Variants in PLXNA1 observed in about 807,000 individuals in gnomAD.
The protein encoded by PLXNA1 is plexin-A1.
In PLXNA1, 77 loss-of-function variants were observed where a neutral mutation model predicts 191.7. The observed-to-expected ratio is 0.40, with a 90% CI of 0.33 to 0.49. The LOEUF is 0.49. PLXNA1 is among the 20% of genes least tolerant of loss of function. PLXNA1 has a pLI of 0.63. For synonymous variants in PLXNA1, 1,137 were observed against 1,156.4 expected (o/e 0.98, Z 0.34); for missense variants, 2,110 against 2,660.2 (o/e 0.79, Z 4.55).
rs983720256 is a variant in PLXNA1 at position 126,988,743 on chromosome 3, C to T, written c.150C>T (p.Gly50=). The T allele has an allele frequency of 1.3e-6, 2 of 1,589,178 alleles. No homozygotes were observed. Among genetic ancestry groups the T allele is most frequent in the African/African-American group, 2.7e-5 (2 of 74,674 alleles). ...PFRTFSASDW[G]LTHLVVHEQT... is the part of the protein sequence containing the mutation. ...GCACCTTCTCGGCCAGCGACTGGGG[C>T]CTCACCCACCTAGTGGTGCATGAGC... Residue 50 remains glycine (G), a synonymous_variant, in exon 2 of 32, where the codon GGC becomes GGT. Coordinates refer to ENST00000393409, the MANE Select transcript of PLXNA1 (RefSeq NM_032242.4).
chr3:126,999,375 G>A (rs903549545), intron 3 of PLXNA1, among the ~76,000 whole-genome samples: 5 of 152,182 alleles, frequency 3.3e-5, no homozygotes, highest in African/African-American at 9.6e-5. Flanking sequence ...CCTGGGGCCC[G>A]GAGGCAGCTC....
intron 23 of PLXNA1, chr3:127,027,384 C>T (rs1186279055): frequency 8.7e-6 from 3 of 346,576 alleles, no homozygotes; most frequent in Non-Finnish European, 1.7e-5. Flanking sequence ...GTGGGTATGT[C>T]AGTATCCATG....
In PLXNA1 at chr3:126,988,525, G is replaced by A; in HGVS notation, c.-69G>A. ...CCTCTTCTGCCCCTTCCCCAGGGCTGAAGCTCCTGGCACCATGATGCTCAC... is the reference window on the plus strand; with the variant it reads ...CCTCTTCTGCCCCTTCCCCAGGGCTAAAGCTCCTGGCACCATGATGCTCAC... On this transcript the variant is annotated 5_prime_UTR_variant, in exon 2 of 32. Transcript: ENST00000393409. The A allele has an allele frequency of 7.4e-7, 1 of 1,355,440 alleles. No homozygotes were observed. The highest frequency in any genetic ancestry group is 9.8e-7 in the Non-Finnish European group (1 of 1,025,212). The allele number at this position is 1,355,440 out of a possible 1,614,324, so 84.0% of individuals were successfully genotyped here.
Position 127,014,381 on chromosome 3 carries a change from G to GC in PLXNA1, c.2604+11dup. The GC allele has an allele frequency of 6.3e-7, 1 of 1,584,560 alleles. No individual in the cohort carries two copies. The highest frequency in any genetic ancestry group is 8.5e-7 in the Non-Finnish European group (1 of 1,172,208). On this transcript the variant is annotated splice_region_variant and intron_variant, in intron 12 of 31. Coordinates refer to ENST00000393409, the MANE Select transcript of PLXNA1 (RefSeq NM_032242.4). ...CCGACCCCAAGATCCTCAAGGTAGG[G>GC]CCCCCAGCCCTGCCCCCACACCCCA...
chr3:126,983,891 G>C (rs974879186), intron 1 of PLXNA1, among the ~76,000 whole-genome samples: 43 of 152,196 alleles, frequency 2.8e-4, no homozygotes, highest in African/African-American at 9.4e-4. Context: ...CCTGGGGCGC[G>C]GGGTGGAAGT....
Position 126,989,075 on chromosome 3 carries a change from C to G in PLXNA1, c.482C>G (p.Ser161Cys). 1 of 1,613,420 alleles carries G rather than the reference C, an allele frequency of 6.2e-7. No individual in the cohort carries two copies. Among genetic ancestry groups the G allele is most frequent in the East Asian group, 2.2e-5 (1 of 44,876 alleles). Residue 161 changes from serine to cysteine, a missense_variant, in exon 2 of 32, where the codon TCC becomes TGC. Ser to Cys is a moderately radical substitution (Grantham distance 112). Transcript: ENST00000393409. ...CACCACCGTAAGGAGCACTACCTGT[C>G]CAGCGTGCAGGAGGCAGGCAGCATG... Reference protein sequence around the residue: ...EPHHRKEHYLSSVQEAGSMAG... With the variant: ...EPHHRKEHYLCSVQEAGSMAG...
At chr3:127,029,831 CG>C (rs754989505) in intron 27 of PLXNA1, 42 bp from the exon 28 acceptor site, 12 of 1,524,146 alleles carry the variant, frequency 7.9e-6, no homozygotes, top group Non-Finnish European at 8.8e-7. Context: ...GCGGGGGGTG[CG>C]GGGTGCCAGC....
chr3:127,032,327 G>A (rs1206987957), intron 29 of PLXNA1, 60 bp from the exon 30 acceptor site: 43 of 1,535,644 alleles, frequency 2.8e-5, no homozygotes, highest in Non-Finnish European at 3.6e-6. Flanking sequence ...AGGGCCACAA[G>A]GTCACTGCTC....
chr3:126,998,226 C>T (rs938956196), intron 3 of PLXNA1, among the ~76,000 whole-genome samples: 1 of 152,186 alleles, frequency 6.6e-6, no homozygotes, highest in South Asian at 2.1e-4. Context: ...TGGTGGGTCA[C>T]TTCACCAGAG....
At chr3:127,017,342 C>A in intron 17 of PLXNA1, 83 bp from the exon 18 acceptor site, 2 of 1,526,122 alleles carry the variant, frequency 1.3e-6, no homozygotes, top group Non-Finnish European at 8.8e-7. Flanking sequence ...GAGCAGGCAG[C>A]CCCCAGGCCA....
chr3:127,021,554 T>C (rs1306762116), intron 21 of PLXNA1, among the ~76,000 whole-genome samples: 1 of 152,200 alleles, frequency 6.6e-6, no homozygotes, highest in Non-Finnish European at 1.5e-5. Context: ...TCTCCAACCT[T>C]GTGTCCTCAT....
chr3:127,004,330 A>G (rs1431663856), intron 4 of PLXNA1, among the ~76,000 whole-genome samples: 1 of 152,202 alleles, frequency 6.6e-6, no homozygotes, highest in Non-Finnish European at 1.5e-5. Context: ...GTCCAGACAG[A>G]TGGAGAGGAA....
At chr3:126,986,048 T>C (rs1327865397) in intron 1 of PLXNA1, among the ~76,000 whole-genome samples, 1 of 152,204 alleles carries the variant, frequency 6.6e-6, no homozygotes, top group Non-Finnish European at 1.5e-5. Flanking sequence ...GGATGGTGGC[T>C]TCTTAGCCTG....
chr3:126,995,835 C>T (rs2079012564), intron 3 of PLXNA1, among the ~76,000 whole-genome samples: 1 of 152,222 alleles, frequency 6.6e-6, no homozygotes, highest in African/African-American at 2.4e-5. Flanking sequence ...TGGTTTCCTT[C>T]CCTGGATGTT....
Position 127,018,459 on chromosome 3 carries a change from C to T in PLXNA1, c.3826C>T (p.Arg1276Cys), listed in dbSNP as rs1000962009. 12 of 1,612,918 alleles carry T rather than the reference C, an allele frequency of 7.4e-6. No individual in the cohort carries two copies. The highest frequency in any genetic ancestry group is 1.7e-5 in the Admixed American group (1 of 60,004). ...CAAGCGCAAGTCACGAGATGCTGACCGCACACTCAAGCGGCTGCAGCTCCA... is the reference window on the plus strand; with the variant it reads ...CAAGCGCAAGTCACGAGATGCTGACTGCACACTCAAGCGGCTGCAGCTCCA... ...AYKRKSRDAD[R>C]TLKRLQLQMD... The change falls in exon 20 of 32, where the codon CGC becomes TGC. Residue 1276 changes from arginine (R) to cysteine (C), a missense_variant. Arg to Cys is a radical substitution (Grantham distance 180). Around this residue, in one of 4 missense-constraint regions of PLXNA1, gnomAD observed 559 missense variants for 911.5 expected, o/e 0.61. Transcript: ENST00000393409.
At chr3:127,023,265 C>T (rs2079161035) in intron 23 of PLXNA1, among the ~76,000 whole-genome samples, 1 of 152,244 alleles carries the variant, frequency 6.6e-6, no homozygotes, top group African/African-American at 2.4e-5. Context: ...TGCTGCCGTC[C>T]TCAGAACAGG....
chr3:127,000,111 G>C (rs2079032808), intron 3 of PLXNA1, among the ~76,000 whole-genome samples: 1 of 151,904 alleles, frequency 6.6e-6, no homozygotes, highest in Non-Finnish European at 1.5e-5. Flanking sequence ...TCAAGCAGGG[G>C]GCGGCATGCA....
Position 127,024,048 on chromosome 3 carries a change from G to A in PLXNA1, c.4362+1230G>A, listed in dbSNP as rs918093884. Among the ~76,000 whole-genome samples, 6 of 152,294 alleles carry A rather than the reference G, an allele frequency of 3.9e-5. 1 individual carries two copies. The highest frequency in any genetic ancestry group is 5.9e-5 in the Non-Finnish European group (4 of 68,022). On this transcript the variant is annotated intron_variant, in intron 23 of 31. Coordinates refer to ENST00000393409, the MANE Select transcript of PLXNA1 (RefSeq NM_032242.4). ...AACTGGAAGCAGGTAACACAAAGTC[G>A]TGCGTGTCCTGTAGAAAGTACAGTT... is the stretch of plus-strand genomic sequence containing the variant.
chr3:127,016,458 A>T, intron 15 of PLXNA1, 59 bp from the exon 16 acceptor site: 1 of 1,536,982 alleles, frequency 6.5e-7, no homozygotes, highest in Non-Finnish European at 9.0e-7. Context: ...ATGCATCTGC[A>T]TTCCACCTGC....
Sources: gnomAD v4.1 joint callset for allele counts (sites outside exome capture counted in the v4.1 genomes callset) on GRCh38, gnomAD v4.1.1 for gene constraint, gnomAD v4.1.1 regional missense constraint, MANE v1.5 for transcripts, NCBI Gene and HGNC (gene_info 2026-07-23, HGNC 2026-07-21) for gene names.